SNTG1: variants seen among roughly 807,000 people sequenced by gnomAD.
The protein encoded by SNTG1 is gamma-1-syntrophin.
In SNTG1, 39 loss-of-function variants were observed where a neutral mutation model predicts 74.7. The observed-to-expected ratio is 0.52, with a 90% confidence interval of 0.40 to 0.68. The LOEUF is 0.68. Among genes scored for constraint, SNTG1 ranks in the 30% least tolerant of loss-of-function variants. SNTG1 has a pLI of 0.00. For synonymous variants in SNTG1, 254 were observed against 217.1 expected (o/e 1.17, Z -1.49); for missense variants, 685 against 609.5 (o/e 1.12, Z -1.30).
chr8:50,348,140 G>A (rs977088939), intron 2 of SNTG1, among the ~76,000 whole-genome samples: 2 of 152,196 alleles, frequency 1.3e-5, no homozygotes, highest in African/African-American at 2.4e-5. Context: ...TAGTTACCAA[G>A]GAGGCAGTGA....
At chr8:50,790,392 G>C (rs2095687534) in intron 18 of SNTG1, among the ~76,000 whole-genome samples, 1 of 151,808 alleles carries the variant, frequency 6.6e-6, no homozygotes, top group Non-Finnish European at 1.5e-5. Context: ...ATATCTGAGG[G>C]ATCATGATGA....
intron 17 of SNTG1, among the ~76,000 whole-genome samples, chr8:50,745,942 G>A (rs562888365): frequency 6.6e-6 from 1 of 151,900 alleles, no homozygotes; most frequent in South Asian, 2.1e-4. Flanking sequence ...TTCTGTAAAT[G>A]GCTAGTGGTA....
At chr8:50,660,303 G>T (rs1175080579) in intron 15 of SNTG1, among the ~76,000 whole-genome samples, 1 of 145,540 alleles carries the variant, frequency 6.9e-6, no homozygotes, top group Non-Finnish European at 1.5e-5. Flanking sequence ...GAAAGAGAAA[G>T]AAAGAGAGAC....
At chr8:50,342,186 C>G (rs189047942) in intron 2 of SNTG1, among the ~76,000 whole-genome samples, 1 of 152,014 alleles carries the variant, frequency 6.6e-6, no homozygotes, top group African/African-American at 2.4e-5. Flanking sequence ...CATTTTAGTT[C>G]GGCATGAAGT....
chr8:50,691,344 T>C (rs2095378213), intron 15 of SNTG1, among the ~76,000 whole-genome samples: 1 of 152,176 alleles, frequency 6.6e-6, no homozygotes, highest in African/African-American at 2.4e-5. Context: ...TTCCTAGCCT[T>C]GATGGTCTTT....
rs570822282 is a variant in SNTG1 at position 50,015,609 on chromosome 8, C to T, written c.-103+103378C>T. On this transcript the variant is annotated intron_variant, in intron 1 of 18. Coordinates refer to ENST00000642720, the MANE Select transcript of SNTG1 (RefSeq NM_018967.5). ...CCCTAGACACATCAAAAGTGACTTACGCACAAGGGAGCCTTAATATCAGTT... is the reference window on the plus strand; with the variant it reads ...CCCTAGACACATCAAAAGTGACTTATGCACAAGGGAGCCTTAATATCAGTT... 1.3e-4 allele frequency among the ~76,000 whole-genome samples: 20 copies of T among 152,214 alleles called. No individual in the cohort carries two copies. The South Asian group carries it at 1.7e-3, about 13-fold the overall frequency.
At chr8:50,607,354 T>G (rs2094820109) in intron 13 of SNTG1, among the ~76,000 whole-genome samples, 1 of 151,530 alleles carries the variant, frequency 6.6e-6, no homozygotes, top group South Asian at 2.1e-4. Context: ...TTGATTTATA[T>G]GTAGGGTTTT....
At chr8:50,413,367 C>A (rs2092974218) in intron 4 of SNTG1, among the ~76,000 whole-genome samples, 1 of 152,042 alleles carries the variant, frequency 6.6e-6, no homozygotes, top group Non-Finnish European at 1.5e-5. Flanking sequence ...AAATGGTTGA[C>A]AGTTTGATGT....
intron 17 of SNTG1, among the ~76,000 whole-genome samples, chr8:50,735,581 T>A (rs573646900): frequency 2.0e-4 from 31 of 151,908 alleles, no homozygotes; most frequent in African/African-American, 6.8e-4. Context: ...GAAAAAAGAA[T>A]GAAAAGGAAT....
intron 1 of SNTG1, among the ~76,000 whole-genome samples, chr8:50,102,608 G>T (rs1260874652): frequency 2.7e-5 from 4 of 147,960 alleles, no homozygotes; most frequent in African/African-American, 1.0e-4. Context: ...CATTGCTTTT[G>T]GTGTTTTAGA....
At chr8:50,077,427 T>A (rs894160836) in intron 1 of SNTG1, among the ~76,000 whole-genome samples, 1 of 152,196 alleles carries the variant, frequency 6.6e-6, no homozygotes, top group African/African-American at 2.4e-5. Context: ...TTTCTGTTTT[T>A]CTCTTTGAGG....
intron 1 of SNTG1, among the ~76,000 whole-genome samples, chr8:49,918,034 C>G (rs112693115): frequency 1.3e-5 from 2 of 152,290 alleles, no homozygotes; most frequent in African/African-American, 4.8e-5. Context: ...CGAACCTTTT[C>G]GTTTCCCATT....
intron 2 of SNTG1, among the ~76,000 whole-genome samples, chr8:50,278,780 A>T (rs995007687): frequency 6.6e-6 from 1 of 152,156 alleles, no homozygotes; most frequent in African/African-American, 2.4e-5. Flanking sequence ...CAAACATCAG[A>T]CATCTTTCAA....
In SNTG1 at chr8:50,125,107, A is replaced by C. The variant is rs573263972; in HGVS notation, c.-102-47454A>C. On this transcript the variant is annotated intron_variant, in intron 1 of 18. Transcript: ENST00000642720. ...AAAGGCACATTTGGCTTTAGTCCAG[A>C]GTTCTGTAAAAAGATTATGTGAATA... Among the ~76,000 whole-genome samples, 113 of 142,460 alleles carry C rather than the reference A, an allele frequency of 7.9e-4. 13 individuals are homozygous for C. The highest frequency in any genetic ancestry group is 1.5e-3 in the Non-Finnish European group (95 of 63,892). 93.5% of individuals were successfully genotyped at this position (142,460 alleles called of 152,430 possible).
At chr8:50,553,286 A>T (rs1300851520) in intron 12 of SNTG1, 107 bp downstream of exon 12, 1 of 1,403,100 alleles carries the variant, frequency 7.1e-7, no homozygotes, top group East Asian at 2.4e-5. Context: ...TCTCAGAATG[A>T]GACATTCATG....
chr8:50,079,058 C>T (rs1478331811), intron 1 of SNTG1, among the ~76,000 whole-genome samples: 2 of 152,104 alleles, frequency 1.3e-5, no homozygotes, highest in Non-Finnish European at 2.9e-5. Flanking sequence ...ATTTATAATC[C>T]TTTGGGTATA....
In SNTG1 at chr8:50,794,644, A is replaced by T. The variant is rs1029374401; in HGVS notation, c.*1815A>T. ...GTAGGCCACTTCTGAACTTATGGAG[A>T]AAAAGCAGTGGGATACATCGAACTT... On this transcript the variant is annotated 3_prime_UTR_variant, in exon 19 of 19. Transcript: ENST00000642720. 2.0e-5 allele frequency: 3 copies of T among 152,036 alleles called. No individual in the cohort carries two copies. The highest frequency in any genetic ancestry group is 4.4e-5 in the Non-Finnish European group (3 of 67,954). The allele number at this position is 152,036 out of a possible 1,614,324, so 9.4% of individuals were successfully genotyped here.
At chr8:50,702,544 A>G (rs2095429727) in intron 15 of SNTG1, among the ~76,000 whole-genome samples, 1 of 152,204 alleles carries the variant, frequency 6.6e-6, no homozygotes, top group African/African-American at 2.4e-5. Flanking sequence ...TCCATCTAAC[A>G]TTTTGGGTGT....
chr8:50,637,102 T>A lies in SNTG1; in HGVS notation c.850-19807T>A, dbSNP rs75158022. ...TTCAGCTCACATCCCATTGGTGAAA[T>A]CTAATCACATGGTCATATCTACCTG... is the stretch of plus-strand genomic sequence containing the variant. On this transcript the variant is annotated intron_variant, in intron 13 of 18. Coordinates refer to ENST00000642720, the MANE Select transcript of SNTG1 (RefSeq NM_018967.5). 2.6e-3 allele frequency among the ~76,000 whole-genome samples: 392 copies of A among 152,316 alleles called. 3 individuals carry two copies. The highest frequency in any genetic ancestry group is 9.1e-3 in the African/African-American group (378 of 41,578).
Sources: gnomAD v4.1 joint callset for allele counts (sites outside exome capture counted in the v4.1 genomes callset) on GRCh38, gnomAD v4.1.1 for gene constraint, MANE v1.5 for transcripts, NCBI Gene and HGNC (gene_info 2026-07-23, HGNC 2026-07-21) for gene names.